The following RALGAPB variants were observed in gnomAD, a reference collection of about 807,000 sequenced individuals.
RALGAPB encodes the protein ral GTPase-activating protein subunit beta.
In RALGAPB, 25 loss-of-function variants were observed where a neutral mutation model predicts 161.1. The ratio of observed to expected loss-of-function variants is 0.16; its 90% CI spans 0.11 to 0.22. RALGAPB has a LOEUF of 0.22. RALGAPB is among the 10% of genes least tolerant of loss of function. The probability of loss-of-function intolerance (pLI) is 1.00; values close to 1 mark genes in which losing one functional copy is unlikely to be tolerated. For missense variants in RALGAPB, 1,391 were observed against 1,815.2 expected (o/e 0.77, Z 4.25); for synonymous variants, 629 against 626.1 (o/e 1.00, Z -0.07).
chr20:38,476,929 G>A (rs1348698291), intron 1 of RALGAPB, among the ~76,000 whole-genome samples: 2 of 152,222 alleles, frequency 1.3e-5, no homozygotes, highest in Non-Finnish European at 2.9e-5. Flanking sequence ...CCCTGGTACA[G>A]TTGAAAATAA....
At chr20:38,525,093 A>G (rs2086417489) in intron 11 of RALGAPB, 148 bp downstream of exon 11, 1 of 812,830 alleles carries the variant, frequency 1.2e-6, no homozygotes, top group Non-Finnish European at 2.0e-6. Context: ...AGTGTGTCCA[A>G]ACCCACCTCA....
intron 1 of RALGAPB, among the ~76,000 whole-genome samples, chr20:38,474,823 C>T (rs1659806105): frequency 6.6e-6 from 1 of 152,218 alleles, no homozygotes; most frequent in African/African-American, 2.4e-5. Flanking sequence ...GACATACAGA[C>T]TCACAAAGCT....
At chr20:38,491,587 G>A (rs1298505000) in intron 2 of RALGAPB, among the ~76,000 whole-genome samples, 3 of 152,176 alleles carry the variant, frequency 2.0e-5, no homozygotes, top group African/African-American at 7.2e-5. Flanking sequence ...TTAATGGTAT[G>A]GAGAGAATAG....
chr20:38,556,454 C>T (rs1323479339), intron 22 of RALGAPB, among the ~76,000 whole-genome samples: 2 of 151,794 alleles, frequency 1.3e-5, no homozygotes, highest in Admixed American at 6.6e-5. Context: ...GTTTGACAAC[C>T]GTAAGAAAAT....
intron 26 of RALGAPB, 103 bp from the exon 27 acceptor site, chr20:38,569,785 G>T: frequency 1.3e-6 from 1 of 783,760 alleles, no homozygotes; most frequent in Non-Finnish European, 2.2e-6. Flanking sequence ...CCTGATACTT[G>T]GTCACTGAGC....
chr20:38,546,126 A>G (rs1424753105), intron 18 of RALGAPB, 117 bp from the exon 19 acceptor site: 3 of 1,539,324 alleles, frequency 1.9e-6, no homozygotes, highest in South Asian at 2.5e-5. Flanking sequence ...TGACCTGTCA[A>G]GAAGCATGGC....
At position 38,493,083 on chromosome 20, in the gene RALGAPB, C is replaced by A; in HGVS notation, c.340C>A (p.Gln114Lys). The change falls in exon 3 of 30, where the codon CAA becomes AAA. Residue 114 changes from glutamine to lysine, a missense_variant. By Grantham distance (53) the Gln-to-Lys change is moderately conservative. Around this residue, in one of 3 missense-constraint regions of RALGAPB, gnomAD observed 946 missense variants for 1,257.2 expected, o/e 0.75. Coordinates refer to ENST00000262879, the MANE Select transcript of RALGAPB (RefSeq NM_020336.4). Reference protein sequence around the residue: ...IPLPVIKEPNQYVQTILKHLQ... With the variant: ...IPLPVIKEPNKYVQTILKHLQ... ...ATTGCCAGTTATTAAAGAGCCTAATCAATATGTTCAAACTATACTAAAACA... is the reference window on the plus strand; with the variant it reads ...ATTGCCAGTTATTAAAGAGCCTAATAAATATGTTCAAACTATACTAAAACA... The A allele has an allele frequency of 6.2e-7, 1 of 1,611,628 alleles. No homozygotes were observed. The highest frequency in any genetic ancestry group is 1.1e-5 in the South Asian group (1 of 90,982).
intron 14 of RALGAPB, among the ~76,000 whole-genome samples, chr20:38,532,459 A>T (rs1178949376): frequency 6.6e-6 from 1 of 152,174 alleles, no homozygotes; most frequent in Non-Finnish European, 1.5e-5. Context: ...TCTAGTAAAG[A>T]TGAAAAAGCT....
chr20:38,517,362 A>G (rs2086157789), intron 7 of RALGAPB, 144 bp from the exon 8 acceptor site: 1 of 674,798 alleles, frequency 1.5e-6, no homozygotes, highest in African/African-American at 1.9e-5. Flanking sequence ...AGGAAGAAAT[A>G]GTGAGTAGAT....
Position 38,504,194 on chromosome 20 carries a change from T to C in RALGAPB, c.740+4561T>C, listed in dbSNP as rs145936074. Among the ~76,000 whole-genome samples, 642 of 152,304 alleles carry C rather than the reference T, an allele frequency of 4.2e-3. 3 individuals carry two copies. The highest frequency in any genetic ancestry group is 0.015 in the African/African-American group (618 of 41,568). Reference sequence around the variant, plus strand: ...CCACCTTGAAACTATACTAGAGGGCTACAGTCACCAAAACAGCATGGTACT... The same window carrying C: ...CCACCTTGAAACTATACTAGAGGGCCACAGTCACCAAAACAGCATGGTACT... On this transcript the variant is annotated intron_variant, in intron 5 of 29. Coordinates refer to ENST00000262879, the MANE Select transcript of RALGAPB (RefSeq NM_020336.4).
At chr20:38,574,350 T>G in intron 29 of RALGAPB, 52 bp downstream of exon 29, 1 of 1,522,834 alleles carries the variant, frequency 6.6e-7, no homozygotes, top group South Asian at 1.3e-5. Context: ...TCTTTATCAT[T>G]TTTATAAACC....
Position 38,551,120 on chromosome 20 carries a change from A to G in RALGAPB, c.3059A>G (p.Lys1020Arg). 1 of 1,613,948 alleles carries G rather than the reference A, an allele frequency of 6.2e-7. No homozygotes were observed. ...RPVPKNDVGF[K>R]YSVKHRPFPE... ...GTTCCTAAAAATGACGTTGGATTTA[A>G]ATATTCTGTGAAACATCGGCCATTT... Residue 1020 changes from lysine to arginine, a missense_variant, in exon 21 of 30, where the codon AAA (lysine) becomes AGA (arginine). Physicochemically the swap from Lys to Arg is conservative, Grantham distance 26. Transcript: ENST00000262879.
chr20:38,513,144 G>T (rs1359862404), intron 6 of RALGAPB, among the ~76,000 whole-genome samples: 1 of 151,392 alleles, frequency 6.6e-6, no homozygotes, highest in African/African-American at 2.4e-5. Flanking sequence ...AACGCGGGTA[G>T]ATCACCCAAG....
At chr20:38,526,949 G>A (rs1221502391) in intron 13 of RALGAPB, among the ~76,000 whole-genome samples, 1 of 152,142 alleles carries the variant, frequency 6.6e-6, no homozygotes, top group African/African-American at 2.4e-5. Flanking sequence ...GCAATCCTGG[G>A]TATTGAGATC....
chr20:38,568,075 ACTTT>A (rs1487891914), intron 26 of RALGAPB, among the ~76,000 whole-genome samples: 1 of 152,182 alleles, frequency 6.6e-6, no homozygotes, highest in Non-Finnish European at 1.5e-5. Flanking sequence ...TCTAATACTT[ACTTT>A]AAAAGTTTTT....
chr20:38,527,551 C>T (rs999899880), intron 13 of RALGAPB, among the ~76,000 whole-genome samples: 2 of 152,112 alleles, frequency 1.3e-5, no homozygotes, highest in Non-Finnish European at 2.9e-5. Flanking sequence ...TATTCTTGTT[C>T]AGGCTGGGCT....
At chr20:38,525,344 G>T in intron 11 of RALGAPB, 60 bp from the exon 12 acceptor site, 1 of 1,117,954 alleles carries the variant, frequency 8.9e-7, no homozygotes, top group Non-Finnish European at 1.3e-6. Context: ...ATATGTATTT[G>T]GCAGTAGCTA....
chr20:38,497,947 T>C (rs888548786), intron 4 of RALGAPB, among the ~76,000 whole-genome samples: 7 of 151,804 alleles, frequency 4.6e-5, no homozygotes, highest in African/African-American at 4.8e-5. Context: ...CACACACCTA[T>C]AATTCCAGCT....
intron 28 of RALGAPB, among the ~76,000 whole-genome samples, chr20:38,571,654 C>T: frequency 6.6e-6 from 1 of 152,298 alleles, no homozygotes; most frequent in East Asian, 1.9e-4. Flanking sequence ...GTGAAGAATG[C>T]TGCAGTGAAA....
Sources: allele counts gnomAD v4.1 joint callset (sites outside exome capture counted in the v4.1 genomes callset), GRCh38; gene constraint gnomAD v4.1.1; regional missense constraint gnomAD v4.1.1; transcripts MANE v1.5; gene names NCBI Gene and HGNC (gene_info 2026-07-23, HGNC 2026-07-21).